Variants in NRXN1 observed in about 807,000 individuals in gnomAD.
NRXN1 encodes neurexin 1, also known as neurexin-1.
A neutral mutation model predicts 150.9 loss-of-function variants in NRXN1; 39 were observed. The ratio of observed to expected loss-of-function variants is 0.26; its 90% confidence interval spans 0.20 to 0.34. The LOEUF is 0.34. NRXN1 is among the 10% of genes least tolerant of loss of function. The pLI is 1.00. For synonymous variants in NRXN1, 924 were observed against 757.0 expected, an observed-to-expected ratio of 1.22 and a Z score of -3.62; for missense variants, 1,815 against 1,949.9, an observed-to-expected ratio of 0.93 and a Z score of 1.30.
chr2:50,569,412 C>A (rs34288758), intron 8 of NRXN1, among the ~76,000 whole-genome samples: 35,520 of 151,856 alleles, frequency 0.23, 4,658 homozygotes, highest in East Asian at 0.51. Context: ...ACTCCATAAA[C>A]ACTTAGTATG....
intron 16 of NRXN1, among the ~76,000 whole-genome samples, chr2:50,468,395 A>G (rs1484802060): frequency 4.6e-5 from 7 of 151,612 alleles, no homozygotes; most frequent in Non-Finnish European, 1.5e-5. Flanking sequence ...AAGACAATGC[A>G]TGCCTTTGCC....
At chr2:50,252,546 A>T (rs1377458334) in intron 17 of NRXN1, among the ~76,000 whole-genome samples, 2 of 152,058 alleles carry the variant, frequency 1.3e-5, no homozygotes, top group African/African-American at 4.8e-5. Flanking sequence ...GGTGTGAGCC[A>T]CTGCGTCCAG....
chr2:49,973,951 G>A lies in NRXN1; in HGVS notation c.4129-30160C>T, dbSNP rs888268657. 4 of 716,884 alleles carry A rather than the reference G, an allele frequency of 5.6e-6. No homozygotes were observed. In the African/African-American group the frequency reaches 7.0e-5, roughly 13 times the overall value. 44.4% of individuals were successfully genotyped at this position (716,884 alleles called of 1,614,324 possible). On this transcript the variant is annotated intron_variant, in intron 21 of 22. Coordinates refer to ENST00000401669, the MANE Select transcript of NRXN1 (RefSeq NM_001330078.2). ...ATCTAAGCTGTGCTCAGCAGCGGCT[G>A]TGACAGAAGAAGCTACCTGCAAGTT...
At chr2:50,002,253 A>T (rs1684077639) in intron 21 of NRXN1, among the ~76,000 whole-genome samples, 1 of 152,116 alleles carries the variant, frequency 6.6e-6, no homozygotes, top group Admixed American at 6.5e-5. Context: ...AGCATAGAAA[A>T]CTAATACACA....
chr2:50,661,719 A>C (rs529697973), intron 5 of NRXN1, among the ~76,000 whole-genome samples: 2 of 152,056 alleles, frequency 1.3e-5, no homozygotes, highest in Non-Finnish European at 2.9e-5. Context: ...AAATAACTTT[A>C]CTTTTTCATG....
At chr2:50,345,419 C>T (rs1162462258) in intron 17 of NRXN1, among the ~76,000 whole-genome samples, 1 of 152,140 alleles carries the variant, frequency 6.6e-6, no homozygotes, top group Admixed American at 6.5e-5. Flanking sequence ...AGAGCAAACT[C>T]ATAAGGAGTG....
rs949053520 is a variant in NRXN1, at chr2:50,888,306, G to C, written c.832+33563C>G. Among the ~76,000 whole-genome samples the C allele has an allele frequency of 1.3e-4, 20 of 151,654 alleles. No homozygotes were observed. The East Asian group carries it at 1.4e-3, about 10-fold the overall frequency. On this transcript the variant is annotated intron_variant, in intron 5 of 22. Coordinates refer to ENST00000401669, the MANE Select transcript of NRXN1 (RefSeq NM_001330078.2). Reference sequence around the variant, plus strand: ...AACAATTATACAAATTGGAGGGAAAGAAAGTCCATGAGATTTAATTGGAGG... The same window carrying C: ...AACAATTATACAAATTGGAGGGAAACAAAGTCCATGAGATTTAATTGGAGG...
rs2084210993 is a variant in NRXN1, at chr2:50,423,870, A to T, written c.3364+41572T>A. On this transcript the variant is annotated intron_variant, in intron 17 of 22. Coordinates refer to ENST00000401669, the MANE Select transcript of NRXN1 (RefSeq NM_001330078.2). Reference sequence around the variant, plus strand: ...ATCTAAATATGAGAGGGAGCCAGCCAGACCAGCAGCTGGGTAATCGCTGGT... The same window carrying T: ...ATCTAAATATGAGAGGGAGCCAGCCTGACCAGCAGCTGGGTAATCGCTGGT... Among the ~76,000 whole-genome samples the T allele has an allele frequency of 1.3e-5, 2 of 152,176 alleles. 1 individual carries two copies. The highest frequency in any genetic ancestry group is 4.1e-4 in the South Asian group (2 of 4,828).
At chr2:50,822,165 C>T (rs1388178003) in intron 5 of NRXN1, among the ~76,000 whole-genome samples, 1 of 151,978 alleles carries the variant, frequency 6.6e-6, no homozygotes, top group African/African-American at 2.4e-5. Flanking sequence ...TATGTGAGTG[C>T]TAACATAAAT....
chr2:50,605,360 G>A (rs1211035651), intron 8 of NRXN1, among the ~76,000 whole-genome samples: 3 of 152,010 alleles, frequency 2.0e-5, no homozygotes, highest in Non-Finnish European at 4.4e-5. Context: ...AGATACTGTT[G>A]GCACTCAGTG....
intron 17 of NRXN1, among the ~76,000 whole-genome samples, chr2:50,278,955 A>G (rs560981117): frequency 6.6e-6 from 1 of 152,214 alleles, no homozygotes; most frequent in African/African-American, 2.4e-5. Flanking sequence ...AATAAAAATG[A>G]CATGCTTATC....
At chr2:50,880,529 T>C (rs1679281647) in intron 5 of NRXN1, among the ~76,000 whole-genome samples, 3 of 152,018 alleles carry the variant, frequency 2.0e-5, no homozygotes, top group Admixed American at 1.3e-4. Flanking sequence ...CACTCATCTT[T>C]GTTTTAGGAG....
At chr2:50,409,098 C>G (rs550990654) in intron 17 of NRXN1, among the ~76,000 whole-genome samples, 2 of 152,230 alleles carry the variant, frequency 1.3e-5, no homozygotes, top group Non-Finnish European at 2.9e-5. Context: ...AGGCAGCTCT[C>G]CCCTTTGATT....
At chr2:50,011,692 T>G (rs766328220) in intron 21 of NRXN1, among the ~76,000 whole-genome samples, 1 of 152,064 alleles carries the variant, frequency 6.6e-6, no homozygotes, top group Non-Finnish European at 1.5e-5. Context: ...TATAGATATA[T>G]CCTTATTTGG....
chr2:50,302,303 G>T (rs970697724), intron 17 of NRXN1, among the ~76,000 whole-genome samples: 1 of 152,030 alleles, frequency 6.6e-6, no homozygotes, highest in Non-Finnish European at 1.5e-5. Context: ...CTTTGCTTTA[G>T]ATAACTTTAA....
chr2:50,841,724 T>A (rs1033470764), intron 5 of NRXN1, among the ~76,000 whole-genome samples: 1 of 152,188 alleles, frequency 6.6e-6, no homozygotes, highest in African/African-American at 2.4e-5. Context: ...GGAAAAAAAA[T>A]TGTAATTTTT....
intron 18 of NRXN1, among the ~76,000 whole-genome samples, chr2:50,233,953 C>T (rs1409912033): frequency 6.6e-6 from 1 of 152,038 alleles, no homozygotes; most frequent in Non-Finnish European, 1.5e-5. Flanking sequence ...GCTTCTATCA[C>T]CCCCAGGCAT....
At chr2:50,916,288 T>C (rs553316979) in intron 5 of NRXN1, among the ~76,000 whole-genome samples, 2 of 151,188 alleles carry the variant, frequency 1.3e-5, no homozygotes, top group African/African-American at 4.8e-5. Context: ...AGGGACAATA[T>C]TATATTATTA....
At chr2:50,836,487 C>G (rs961023996) in intron 5 of NRXN1, among the ~76,000 whole-genome samples, 1 of 151,996 alleles carries the variant, frequency 6.6e-6, no homozygotes, top group Non-Finnish European at 1.5e-5. Context: ...TCCAACTCCC[C>G]ACCTCCAGCC....
Sources: allele counts gnomAD v4.1 joint callset (sites outside exome capture counted in the v4.1 genomes callset), GRCh38; gene constraint gnomAD v4.1.1; transcripts MANE v1.5; gene names NCBI Gene and HGNC (gene_info 2026-07-23, HGNC 2026-07-21).